The following ASXL2 variants were observed in gnomAD, a reference collection of about 807,000 sequenced individuals.
ASXL2 encodes putative Polycomb group protein ASXL2.
In ASXL2, 23 loss-of-function variants were observed where a neutral mutation model predicts 122.0. That is an observed-to-expected ratio of 0.19 (90% CI 0.14 to 0.27). The LOEUF is 0.27. ASXL2 is among the 10% of genes least tolerant of loss of function. The pLI is 1.00. For synonymous variants in ASXL2, 650 were observed against 637.0 expected (o/e 1.02, Z -0.31); for missense variants, 1,518 against 1,713.8 (o/e 0.89, Z 2.02).
At chr2:25,841,425 A>T (rs1296962227) in intron 2 of ASXL2, among the ~76,000 whole-genome samples, 1 of 152,200 alleles carries the variant, frequency 6.6e-6, no homozygotes, top group Non-Finnish European at 1.5e-5. Context: ...CTTGTTATGC[A>T]TCATATGCTG....
intron 3 of ASXL2, among the ~76,000 whole-genome samples, chr2:25,825,777 T>C (rs1221925543): frequency 6.6e-6 from 1 of 152,256 alleles, no homozygotes; most frequent in Non-Finnish European, 1.5e-5. Flanking sequence ...GTTAAGTCTC[T>C]GCTTTCGATT....
chr2:25,865,190 G>A (rs1475988091), intron 1 of ASXL2, among the ~76,000 whole-genome samples: 1 of 151,520 alleles, frequency 6.6e-6, no homozygotes, highest in African/African-American at 2.4e-5. Flanking sequence ...CAGCACTTTG[G>A]GAGGCTGAAG....
chr2:25,743,529 A>T lies in ASXL2; in HGVS notation c.2808T>A (p.Asn936Lys), dbSNP rs1382191215. 6.2e-7 allele frequency: 1 copy of T among 1,613,880 alleles called. No homozygotes were observed. Among genetic ancestry groups the T allele is most frequent in the Non-Finnish European group, 8.5e-7 (1 of 1,179,894 alleles). The change falls in exon 13 of 13, where the codon AAT becomes AAA. Residue 936 changes from asparagine (N) to lysine (K), a missense_variant. By Grantham distance (94) the Asn-to-Lys change is moderately conservative. This residue lies in a region of ASXL2 where 831 missense variants were observed against 833.1 expected (regional missense o/e 1.00). Transcript: ENST00000435504. ...TAGAGGTTGGTCTTAAAGTGGGTCC[A>T]TTCATGTTTAAAGAAGTTCCTGGGG... ...LKTPGTSLNM[N>K]GPTLRPTSSI... is the part of the protein sequence containing the mutation.
chr2:25,770,112 C>G (rs2149154324), intron 6 of ASXL2, among the ~76,000 whole-genome samples: 1 of 152,352 alleles, frequency 6.6e-6, no homozygotes, highest in African/African-American at 2.4e-5. Context: ...CCTTGCTCCT[C>G]ACAGGACACA....
At chr2:25,834,899 T>C (rs540230223) in intron 3 of ASXL2, among the ~76,000 whole-genome samples, 59 of 152,246 alleles carry the variant, frequency 3.9e-4, no homozygotes, top group Non-Finnish European at 6.5e-4. Flanking sequence ...CTCGGCTCAC[T>C]GCAACCTCCA....
intron 1 of ASXL2, among the ~76,000 whole-genome samples, chr2:25,853,210 G>A (rs563467809): frequency 1.1e-4 from 16 of 152,104 alleles, no homozygotes; most frequent in African/African-American, 3.6e-4. Flanking sequence ...CAGAGGATGC[G>A]GTTTCCCTCA....
chr2:25,739,418 T>C lies in ASXL2; in HGVS notation c.*2611A>G, dbSNP rs1046276964. ...GTTCAGCTTTTAAGATGAATGGCTT[T>C]CCACTTGAAACCTCTGTGTTGAAAC... On this transcript the variant is annotated 3_prime_UTR_variant, in exon 13 of 13. Coordinates refer to ENST00000435504, the MANE Select transcript of ASXL2 (RefSeq NM_018263.6). The C allele has an allele frequency of 1.7e-5, 3 of 180,154 alleles. No homozygotes were observed. The highest frequency in any genetic ancestry group is 3.6e-5 in the Non-Finnish European group (3 of 84,254). 11.2% of individuals were successfully genotyped at this position (180,154 alleles called of 1,614,324 possible). A position where few individuals can be genotyped will look rare whatever the true frequency, so the allele number is the denominator to read the frequency against.
At chr2:25,790,024 G>C (rs2088807574) in intron 5 of ASXL2, among the ~76,000 whole-genome samples, 2 of 152,018 alleles carry the variant, frequency 1.3e-5, no homozygotes, top group South Asian at 4.1e-4. Flanking sequence ...TTAAAAAAGG[G>C]ACAAGATCAT....
chr2:25,841,067 G>T (rs917294430), intron 2 of ASXL2, among the ~76,000 whole-genome samples: 3 of 152,162 alleles, frequency 2.0e-5, no homozygotes, highest in Admixed American at 2.0e-4. Context: ...GGAGGCCAAG[G>T]CAGGAGGATC....
At chr2:25,843,106 T>C (rs1480117525) in intron 2 of ASXL2, among the ~76,000 whole-genome samples, 10 of 151,530 alleles carry the variant, frequency 6.6e-5, no homozygotes, top group East Asian at 6.0e-4. Context: ...CAAGACCATC[T>C]TGGCTAACAC....
chr2:25,804,820 A>C (rs10427353), intron 4 of ASXL2, among the ~76,000 whole-genome samples: 42,034 of 151,960 alleles, frequency 0.28, 6,109 homozygotes, highest in African/African-American at 0.32. Context: ...GAGGCCGAGG[A>C]GGGTGGATTA....
At chr2:25,808,451 C>T (rs2089116628) in intron 3 of ASXL2, among the ~76,000 whole-genome samples, 1 of 152,172 alleles carries the variant, frequency 6.6e-6, no homozygotes, top group East Asian at 1.9e-4. Context: ...TCATGCTCAG[C>T]CTCCCATGTA....
intron 5 of ASXL2, among the ~76,000 whole-genome samples, chr2:25,792,692 G>T (rs2088853323): frequency 1.3e-5 from 2 of 151,572 alleles, no homozygotes; most frequent in Non-Finnish European, 2.9e-5. Flanking sequence ...AGCCTCCGAG[G>T]CCTCCTGGGT....
chr2:25,777,332 A>G (rs2088562023), intron 5 of ASXL2, among the ~76,000 whole-genome samples: 1 of 152,022 alleles, frequency 6.6e-6, no homozygotes, highest in African/African-American at 2.4e-5. Flanking sequence ...ACTCAGTATT[A>G]CAAGCAGCAA....
At chr2:25,810,280 C>A (rs989086868) in intron 3 of ASXL2, 14 of 634,678 alleles carry the variant, frequency 2.2e-5, no homozygotes, top group South Asian at 1.1e-4. Flanking sequence ...AACTTACGAG[C>A]CACCTCTTCA....
intron 3 of ASXL2, among the ~76,000 whole-genome samples, chr2:25,835,008 G>C (rs2149188419): frequency 6.6e-6 from 1 of 152,130 alleles, no homozygotes; most frequent in Non-Finnish European, 1.5e-5. Context: ...TTTTTTAGTA[G>C]AGATGCAGTT....
intron 3 of ASXL2, among the ~76,000 whole-genome samples, chr2:25,818,265 T>C (rs539518078): frequency 6.6e-6 from 1 of 152,328 alleles, no homozygotes; most frequent in African/African-American, 2.4e-5. Flanking sequence ...TTCCAGCACT[T>C]TGGGAGGCCA....
At chr2:25,748,853 A>T (rs191224260) in intron 12 of ASXL2, among the ~76,000 whole-genome samples, 57 of 152,388 alleles carry the variant, frequency 3.7e-4, no homozygotes, top group Admixed American at 3.6e-3. Context: ...ACCTAGAAGA[A>T]TTTGAAAGAT....
chr2:25,743,505 A>G lies in ASXL2; in HGVS notation c.2832T>C (p.Ser944=). 1 of 1,613,944 alleles carries G rather than the reference A, an allele frequency of 6.2e-7. No homozygotes were observed. The highest frequency in any genetic ancestry group is 1.1e-5 in the South Asian group (1 of 91,082). ...NMNGPTLRPT[S]SIPANNPLVT... is the part of the protein sequence containing the mutation. ...CTAAAGGATTATTAGCAGGGATACT[A>G]GAGGTTGGTCTTAAAGTGGGTCCAT... Residue 944 remains serine (S), a synonymous_variant, in exon 13 of 13, where the codon TCT becomes TCC. Transcript: ENST00000435504.
Sources: gnomAD v4.1 joint callset for allele counts (sites outside exome capture counted in the v4.1 genomes callset) on GRCh38, gnomAD v4.1.1 for gene constraint, gnomAD v4.1.1 regional missense constraint, MANE v1.5 for transcripts, NCBI Gene and HGNC (gene_info 2026-07-23, HGNC 2026-07-21) for gene names.